The following PTGER4 variants were observed in gnomAD, a reference collection of about 807,000 sequenced individuals.
The protein encoded by PTGER4 is prostaglandin E receptor 4, also known as prostaglandin E2 receptor EP4 subtype.
PTGER4 carries 11 observed loss-of-function variants against 33.2 expected under a neutral mutation model. The ratio of observed to expected loss-of-function variants is 0.33; its 90% CI spans 0.21 to 0.55. PTGER4 has a LOEUF of 0.55. Ranked by LOEUF, PTGER4 falls within the 20% of genes least tolerant of loss-of-function variation. The pLI is 0.92. For missense variants in PTGER4, 481 were observed against 650.2 expected, an observed-to-expected ratio of 0.74 and a Z score of 2.83; for synonymous variants, 275 against 281.5, an observed-to-expected ratio of 0.98 and a Z score of 0.23.
chr5:40,722,327 C>T, the PTGER4 span, among the ~76,000 whole-genome samples: 21 of 152,138 alleles, frequency 1.4e-4, no homozygotes, highest in Non-Finnish European at 2.5e-4. Context: ...CCGGCCGCCA[C>T]CCCGTCTAGG....
At chr5:40,713,023 T>C in the PTGER4 span, among the ~76,000 whole-genome samples, 5 of 152,158 alleles carry the variant, frequency 3.3e-5, no homozygotes, top group African/African-American at 1.2e-4. Flanking sequence ...ATCTTATTAT[T>C]GGTAAGAAAA....
the PTGER4 span, among the ~76,000 whole-genome samples, chr5:40,704,346 G>A: frequency 6.6e-6 from 1 of 152,106 alleles, no homozygotes; most frequent in Non-Finnish European, 1.5e-5. Context: ...AAAATAGTAA[G>A]AGCCATCTAT....
chr5:40,697,758 G>C (rs1741648314), downstream of PTGER4, among the ~76,000 whole-genome samples: 2 of 151,802 alleles, frequency 1.3e-5, no homozygotes, highest in Admixed American at 6.6e-5. Context: ...AAAACAAAGA[G>C]AGGTGGAAAA....
Position 40,691,697 on chromosome 5 carries a change from T to G in PTGER4, c.868-82T>G. ...ACCAGAAATGAAGGCAGCTTCCTAA[T>G]ATTGATAAGGTAGACATAGCATTTA... On this transcript the variant is annotated intron_variant, in intron 2 of 2. Transcript: ENST00000302472. The surrounding 1 kb of genome is among the most constrained non-coding windows in gnomAD (Gnocchi z 4.2). The G allele has an allele frequency of 6.7e-7, 1 of 1,498,730 alleles. No individual in the cohort carries two copies. The highest frequency in any genetic ancestry group is 9.0e-7 in the Non-Finnish European group (1 of 1,115,184). 92.8% of individuals were successfully genotyped at this position (1,498,730 alleles called of 1,614,324 possible). A position where few individuals can be genotyped will look rare whatever the true frequency, so the allele number is the denominator to read the frequency against.
At chr5:40,689,591 A>G (rs367788367) in intron 2 of PTGER4, among the ~76,000 whole-genome samples, 1 of 152,302 alleles carries the variant, frequency 6.6e-6, no homozygotes, top group East Asian at 1.9e-4. Context: ...TGGTCAATGA[A>G]TCGCCTTTTC....
chr5:40,744,950 G>A, the PTGER4 span, among the ~76,000 whole-genome samples: 15 of 151,990 alleles, frequency 9.9e-5, no homozygotes, highest in African/African-American at 2.7e-4. Flanking sequence ...TGTTACCTAC[G>A]ACATATACTT....
chr5:40,710,560 A>G, the PTGER4 span, among the ~76,000 whole-genome samples: 1 of 152,236 alleles, frequency 6.6e-6, no homozygotes, highest in African/African-American at 2.4e-5. Context: ...CATTTGACCC[A>G]GCCATCCCAT....
At chr5:40,734,326 G>A in the PTGER4 span, among the ~76,000 whole-genome samples, 1 of 152,150 alleles carries the variant, frequency 6.6e-6, no homozygotes, top group Non-Finnish European at 1.5e-5. Flanking sequence ...GGAACAGACT[G>A]AACAGACACA....
chr5:40,699,194 GA>G, the PTGER4 span, among the ~76,000 whole-genome samples: 29 of 144,552 alleles, frequency 2.0e-4, no homozygotes, highest in South Asian at 6.5e-4. Flanking sequence ...AGATAAGTTG[GA>G]AAAAAAAAAA....
At chr5:40,740,653 C>T in the PTGER4 span, among the ~76,000 whole-genome samples, 1 of 152,190 alleles carries the variant, frequency 6.6e-6, no homozygotes, top group African/African-American at 2.4e-5. Context: ...GACTTGACGA[C>T]TATCCAAGGT....
Position 40,691,429 on chromosome 5 carries a change from C to A in PTGER4, c.868-350C>A, listed in dbSNP as rs146917812. On this transcript the variant is annotated intron_variant, in intron 2 of 2. Transcript: ENST00000302472. The surrounding 1 kb of genome is among the most constrained non-coding windows in gnomAD (Gnocchi z 4.2). ...TCTCTTGACCTAGTGATCCGCCTAC[C>A]TCGGCCTACCAAAATGCTGGGATTA... 6.6e-6 allele frequency among the ~76,000 whole-genome samples: 1 copy of A among 152,180 alleles called. No individual in the cohort carries two copies. Among genetic ancestry groups the A allele is most frequent in the Non-Finnish European group, 1.5e-5 (1 of 68,040 alleles).
downstream of PTGER4, among the ~76,000 whole-genome samples, chr5:40,697,221 A>G (rs1363243097): frequency 1.7e-5 from 2 of 117,604 alleles, no homozygotes; most frequent in Non-Finnish European, 3.5e-5. Flanking sequence ...AGAAAAAGAA[A>G]GAAGAAAAGA....
At chr5:40,697,624 A>C (rs920521640), downstream of PTGER4, among the ~76,000 whole-genome samples, 1 of 151,540 alleles carries the variant, frequency 6.6e-6, no homozygotes, top group Non-Finnish European at 1.5e-5. Context: ...AAAAAGAAGG[A>C]AAAGTAATAG....
At position 40,680,499 on chromosome 5, in the gene PTGER4, C is replaced by G. The variant is rs1157964861; in HGVS notation, c.-44+21C>G. 6.3e-6 allele frequency: 1 copy of G among 157,914 alleles called. No individual in the cohort carries two copies. Among genetic ancestry groups the G allele is most frequent in the East Asian group, 1.8e-4 (1 of 5,420 alleles). The allele number at this position is 157,914 out of a possible 1,614,324, so 9.8% of individuals were successfully genotyped here. On this transcript the variant is annotated intron_variant, in intron 1 of 2. Transcript: ENST00000302472. This position sits in a 1 kb window ranked among gnomAD's most constrained non-coding sequence, Gnocchi z 5.5. ...TACAGGTGAGATGGCGTTGGGCTGA[C>G]GTTGGGGTCAACGGGTAGAGAACGC...
At chr5:40,690,772 T>A (rs1182273183) in intron 2 of PTGER4, among the ~76,000 whole-genome samples, 1 of 152,158 alleles carries the variant, frequency 6.6e-6, no homozygotes, top group African/African-American at 2.4e-5. Flanking sequence ...ACAGCTGGAA[T>A]AAGAAATCAG....
the PTGER4 span, among the ~76,000 whole-genome samples, chr5:40,734,165 C>A: frequency 6.6e-6 from 1 of 152,204 alleles, no homozygotes; most frequent in Non-Finnish European, 1.5e-5. Flanking sequence ...CTTCCCCCTT[C>A]TCATTTCTCT....
At chr5:40,717,472 T>C in the PTGER4 span, among the ~76,000 whole-genome samples, 1 of 152,296 alleles carries the variant, frequency 6.6e-6, no homozygotes, top group South Asian at 2.1e-4. Context: ...ACAGTCTGGA[T>C]AAAGGTCAAC....
chr5:40,707,002 C>T, the PTGER4 span, among the ~76,000 whole-genome samples: 1 of 152,272 alleles, frequency 6.6e-6, no homozygotes, highest in Admixed American at 6.5e-5. Context: ...CACAACCAGG[C>T]CTGCCCTACA....
the PTGER4 span, among the ~76,000 whole-genome samples, chr5:40,700,549 C>G: frequency 6.6e-6 from 1 of 152,378 alleles, no homozygotes; most frequent in East Asian, 1.9e-4. Context: ...CAGGGAACCC[C>G]TGGCTTGGGC....
Sources: gnomAD v4.1 joint callset for allele counts (sites outside exome capture counted in the v4.1 genomes callset) on GRCh38, gnomAD v4.1.1 for gene constraint, Gnocchi (gnomAD v3.1) non-coding constraint, MANE v1.5 for transcripts, NCBI Gene and HGNC (gene_info 2026-07-23, HGNC 2026-07-21) for gene names.